Variants in MLYCD observed in about 807,000 individuals in gnomAD.
The protein encoded by MLYCD is malonyl-CoA decarboxylase, also known as malonyl-CoA decarboxylase, mitochondrial.
In MLYCD, 27 loss-of-function variants were observed where a neutral mutation model predicts 35.8. The observed-to-expected ratio is 0.75, with a 90% confidence interval of 0.56 to 1.04. MLYCD has a LOEUF of 1.04. Ranked by LOEUF, MLYCD falls within the 50% of genes least tolerant of loss-of-function variation. The pLI is 0.00. For missense variants in MLYCD, 917 were observed against 665.1 expected, an observed-to-expected ratio of 1.38 and a Z score of -4.17; for synonymous variants, 403 against 302.4, an observed-to-expected ratio of 1.33 and a Z score of -3.45.
In MLYCD at chr16:83,915,748, G is replaced by A. The variant is rs577777507; in HGVS notation, c.*259G>A. On this transcript the variant is annotated 3_prime_UTR_variant, in exon 5 of 5. Transcript: ENST00000262430. The stretch of plus-strand genomic sequence containing the variant: ...TGTGCTGTCTCCGGAAGATTCTGTC[G>A]TTGCCCTTGGCCTGGCTCCCTGCCC... 8.1e-6 allele frequency: 11 copies of A among 1,363,326 alleles called. No homozygotes were observed. Among genetic ancestry groups the A allele is most frequent in the East Asian group, 3.0e-5 (1 of 33,112 alleles). The allele number at this position is 1,363,326 out of a possible 1,614,324, so 84.5% of individuals were successfully genotyped here.
Position 83,916,837 on chromosome 16 carries a change from G to C in MLYCD, c.*1348G>C, listed in dbSNP as rs1353570670. 1.5e-5 allele frequency: 2 copies of C among 131,792 alleles called. No individual in the cohort carries two copies. Among genetic ancestry groups the C allele is most frequent in the Non-Finnish European group, 3.1e-5 (2 of 63,704 alleles). 8.2% of individuals were successfully genotyped at this position (131,792 alleles called of 1,614,324 possible). On this transcript the variant is annotated 3_prime_UTR_variant, in exon 5 of 5. Transcript: ENST00000262430. ...TGTGTGCGTGTGCACGAGCGTCTCTGTGTGTCAGTGCACGTCTGTGTGCGT... is the reference window on the plus strand; with the variant it reads ...TGTGTGCGTGTGCACGAGCGTCTCTCTGTGTCAGTGCACGTCTGTGTGCGT...
At chr16:83,907,486 T>G (rs762905475) in intron 2 of MLYCD, among the ~76,000 whole-genome samples, 2 of 152,204 alleles carry the variant, frequency 1.3e-5, no homozygotes, top group Non-Finnish European at 2.9e-5. Flanking sequence ...TGGTTAAGAT[T>G]TCTCCCTGAG....
At chr16:83,900,712 T>C (rs1311864420) in intron 1 of MLYCD, among the ~76,000 whole-genome samples, 1 of 147,564 alleles carries the variant, frequency 6.8e-6, no homozygotes, top group Non-Finnish European at 1.5e-5. Context: ...AAGTTTGTTA[T>C]GTGCAGTTGG....
In MLYCD at chr16:83,926,894, A is replaced by G. The variant is rs1407121865; in HGVS notation, c.*11405A>G. On this transcript the variant is annotated 3_prime_UTR_variant, in exon 5 of 5. Transcript: ENST00000262430. ...GCTCTGCGCTTGGGCGCTGAATGTT[A>G]AAATTCCTAACAGGTGAATCGCTTG... 1.3e-5 allele frequency: 2 copies of G among 152,260 alleles called. No individual in the cohort carries two copies. Among genetic ancestry groups the G allele is most frequent in the Non-Finnish European group, 1.5e-5 (1 of 68,054 alleles). The allele number at this position is 152,260 out of a possible 1,614,324, so 9.4% of individuals were successfully genotyped here. A position where few individuals can be genotyped will look rare whatever the true frequency, so the allele number is the denominator to read the frequency against.
rs1907714423 is a variant in MLYCD at position 83,923,437 on chromosome 16, A to C, written c.*7948A>C. On this transcript the variant is annotated 3_prime_UTR_variant, in exon 5 of 5. Coordinates refer to ENST00000262430, the MANE Select transcript of MLYCD (RefSeq NM_012213.3). ...CTCATTTGCAGTTTAGCGGACTCAC[A>C]GAGGTGACCCTAGATCTCTGTCTCG... 6.6e-6 allele frequency: 1 copy of C among 152,244 alleles called. No individual in the cohort carries two copies. Among genetic ancestry groups the C allele is most frequent in the Non-Finnish European group, 1.5e-5 (1 of 68,030 alleles). 9.4% of individuals were successfully genotyped at this position (152,244 alleles called of 1,614,324 possible).
chr16:83,915,507 A>G lies in MLYCD; in HGVS notation c.*18A>G, dbSNP rs777684774. On this transcript the variant is annotated 3_prime_UTR_variant, in exon 5 of 5. Coordinates refer to ENST00000262430, the MANE Select transcript of MLYCD (RefSeq NM_012213.3). ...AGCTCTGACAGTAAACCTCTCCTAA[A>G]GCACAGGGCCCCGGCTAAGAAAACG... The G allele has an allele frequency of 8.1e-6, 13 of 1,607,312 alleles. No individual in the cohort carries two copies. In the Admixed American group the frequency reaches 2.2e-4, roughly 27 times the overall value.
rs1907660557 is a variant in MLYCD at position 83,921,711 on chromosome 16, C to G, written c.*6222C>G. The G allele has an allele frequency of 6.6e-6, 1 of 152,228 alleles. No individual in the cohort carries two copies. The highest frequency in any genetic ancestry group is 2.4e-5 in the African/African-American group (1 of 41,452). 9.4% of individuals were successfully genotyped at this position (152,228 alleles called of 1,614,324 possible). ...TTACGTCTCACTCTTACTGTAGAAC[C>G]TCTAGAAAGGCAGGTGGCTTCCAGC... On this transcript the variant is annotated 3_prime_UTR_variant, in exon 5 of 5. Coordinates refer to ENST00000262430, the MANE Select transcript of MLYCD (RefSeq NM_012213.3).
rs77087679 is a variant in MLYCD at position 83,923,479 on chromosome 16, T to C, written c.*7990T>C. The C allele has an allele frequency of 0.018, 2,814 of 152,350 alleles. 52 individuals carry two copies. Among genetic ancestry groups the C allele is most frequent in the African/African-American group, 0.042 (1,762 of 41,584 alleles). 9.4% of individuals were successfully genotyped at this position (152,350 alleles called of 1,614,324 possible). On this transcript the variant is annotated 3_prime_UTR_variant, in exon 5 of 5. Transcript: ENST00000262430. ...TCTGTCTCGCCTTTGTTTGGTTTAT[T>C]TCCACATTGCATTTGCGTTTCCCGC...
At chr16:83,903,546 A>G (rs1906872073) in intron 1 of MLYCD, among the ~76,000 whole-genome samples, 1 of 152,190 alleles carries the variant, frequency 6.6e-6, no homozygotes, top group Admixed American at 6.5e-5. Context: ...TACCAAAATA[A>G]GCAGATCTTG....
intron 4 of MLYCD, 48 bp from the exon 5 acceptor site, chr16:83,914,908 A>G (rs755137379): frequency 1.2e-6 from 2 of 1,613,530 alleles, no homozygotes; most frequent in Non-Finnish European, 1.7e-6. Flanking sequence ...GTACCTGCTG[A>G]ATTTGTGTTT....
chr16:83,904,271 C>T (rs1345318814), intron 1 of MLYCD, among the ~76,000 whole-genome samples: 1 of 152,154 alleles, frequency 6.6e-6, no homozygotes, highest in Non-Finnish European at 1.5e-5. Context: ...TACAGAAGCC[C>T]TCCTGGCCCC....
Position 83,915,299 on chromosome 16 carries a change from G to A in MLYCD, c.1292G>A (p.Trp431Ter), listed in dbSNP as rs1907337663. Residue 431 changes from tryptophan to a stop codon, truncating the protein, a stop_gained, in exon 5 of 5, where the codon TGG becomes TAG. Transcript: ENST00000262430. LOFTEE classifies it high-confidence loss of function. ...NFHLQNGAVL[W>*]RINWMADVSL... ...CACCTGCAGAACGGGGCGGTGCTGT[G>A]GCGCATCAACTGGATGGCGGATGTG... 1 of 1,613,818 alleles carries A rather than the reference G, an allele frequency of 6.2e-7. No homozygotes were observed. The highest frequency in any genetic ancestry group is 8.5e-7 in the Non-Finnish European group (1 of 1,179,764).
chr16:83,915,194 C>G lies in MLYCD; in HGVS notation c.1187C>G (p.Thr396Ser), dbSNP rs1279401075. The change falls in exon 5 of 5, where the codon ACT becomes AGT. Residue 396 changes from threonine (T) to serine (S), a missense_variant. By Grantham distance (58) the Thr-to-Ser change is moderately conservative. Coordinates refer to ENST00000262430, the MANE Select transcript of MLYCD (RefSeq NM_012213.3). ...GAGAAGCTGGTGCGGGCGCTGCAGA[C>G]TCCGCTGATGAGGCTGTGCGCCTGG... Reference protein sequence around the residue: ...QSEKLVRALQTPLMRLCAWYL... With the variant: ...QSEKLVRALQSPLMRLCAWYL... The G allele has an allele frequency of 6.2e-7, 1 of 1,614,118 alleles. No homozygotes were observed. The highest frequency in any genetic ancestry group is 8.5e-7 in the Non-Finnish European group (1 of 1,179,930).
At chr16:83,914,305 A>T (rs985885608) in intron 4 of MLYCD, 3 of 164,848 alleles carry the variant, frequency 1.8e-5, no homozygotes, top group Non-Finnish European at 4.0e-5. Context: ...CCCGTTCTGC[A>T]CCCGCCGTGG....
At position 83,917,077 on chromosome 16, in the gene MLYCD, CGTG is replaced by C. The variant is rs1907435970; in HGVS notation, c.*1589_*1591del. The C allele has an allele frequency of 8.1e-5, 1 of 12,346 alleles. No homozygotes were observed. Among genetic ancestry groups the C allele is most frequent in the African/African-American group, 2.3e-4 (1 of 4,314 alleles). The allele number at this position is 12,346 out of a possible 1,614,324, so 0.8% of individuals were successfully genotyped here. A position where few individuals can be genotyped will look rare whatever the true frequency, so the allele number is the denominator to read the frequency against. On this transcript the variant is annotated 3_prime_UTR_variant, in exon 5 of 5. Coordinates refer to ENST00000262430, the MANE Select transcript of MLYCD (RefSeq NM_012213.3). ...GTGTGGATCAGTGCACGTCTGTGTG[CGTG>C]TGCACGAGCGTCTCTGTGGATCAGT... is the stretch of plus-strand genomic sequence containing the variant.
chr16:83,901,783 C>T (rs1250154790), intron 1 of MLYCD, among the ~76,000 whole-genome samples: 1 of 152,122 alleles, frequency 6.6e-6, no homozygotes, highest in South Asian at 2.1e-4. Context: ...GCTGCTGAGT[C>T]CTTAGACATT....
chr16:83,904,226 A>C (rs1158532152), intron 1 of MLYCD, among the ~76,000 whole-genome samples: 1 of 152,192 alleles, frequency 6.6e-6, no homozygotes, highest in Non-Finnish European at 1.5e-5. Flanking sequence ...AGTACCTCTT[A>C]CGCAGAGCTC....
At chr16:83,900,990 C>T (rs920731065) in intron 1 of MLYCD, among the ~76,000 whole-genome samples, 4 of 152,204 alleles carry the variant, frequency 2.6e-5, no homozygotes, top group African/African-American at 7.2e-5. Context: ...TAGAAACTTT[C>T]TTTTTTGGCT....
In MLYCD at chr16:83,924,507, G is replaced by C. The variant is rs901923220; in HGVS notation, c.*9018G>C. ...CTCTCACGTCTGTTGCCGTAAATCT[G>C]TCTCCATCGCCTGGCACATAGGAGA... On this transcript the variant is annotated 3_prime_UTR_variant, in exon 5 of 5. Transcript: ENST00000262430. 6.6e-6 allele frequency: 1 copy of C among 152,156 alleles called. No homozygotes were observed. The highest frequency in any genetic ancestry group is 2.1e-4 in the South Asian group (1 of 4,828). 9.4% of individuals were successfully genotyped at this position (152,156 alleles called of 1,614,324 possible). A position where few individuals can be genotyped will look rare whatever the true frequency, so the allele number is the denominator to read the frequency against.
Sources: allele counts gnomAD v4.1 joint callset (sites outside exome capture counted in the v4.1 genomes callset), GRCh38; gene constraint gnomAD v4.1.1; transcripts MANE v1.5; gene names NCBI Gene and HGNC (gene_info 2026-07-23, HGNC 2026-07-21).